The following KIAA1586 variants were observed in gnomAD, a reference collection of about 807,000 sequenced individuals.
KIAA1586 encodes KIAA1586.
Under a neutral mutation model 6.1 loss-of-function variants are expected in KIAA1586, and 5 were observed. The observed-to-expected ratio is 0.82, with a 90% CI of 0.43 to 1.73. KIAA1586 has a LOEUF of 1.73. Among genes scored for constraint, KIAA1586 ranks in the 40% most tolerant of loss-of-function variants. KIAA1586 has a pLI of 0.02. For synonymous variants in KIAA1586, 280 were observed against 301.7 expected, an observed-to-expected ratio of 0.93 and a Z score of 0.75; for missense variants, 899 against 878.2, an observed-to-expected ratio of 1.02 and a Z score of -0.30.
Position 57,050,837 on chromosome 6 carries a change from A to G in KIAA1586, c.169A>G (p.Ser57Gly). The change falls in exon 3 of 4, where the codon AGC (serine) becomes GGC (glycine). Residue 57 changes from serine (S) to glycine (G), a missense_variant. Coordinates refer to ENST00000370733, the MANE Select transcript of KIAA1586 (RefSeq NM_020931.4). Reference protein sequence around the residue: ...DLVCGDDENPSAYYSDILFPK... With the variant: ...DLVCGDDENPGAYYSDILFPK... ...GGTCTGTGGTGATGATGAAAACCCT[A>G]GCGCCTATTATAGTGATGTAAGCAC... 1 of 1,611,310 alleles carries G rather than the reference A, an allele frequency of 6.2e-7. No homozygotes were observed. Among genetic ancestry groups the G allele is most frequent in the Non-Finnish European group, 8.5e-7 (1 of 1,177,620 alleles).
intron 2 of KIAA1586, 97 bp from the exon 3 acceptor site, chr6:57,050,677 C>T (rs559969762): frequency 3.1e-5 from 26 of 825,694 alleles, no homozygotes; most frequent in South Asian, 2.6e-4. Context: ...GAGAATCTTT[C>T]CCAATTCCAA....
Position 57,048,394 on chromosome 6 carries a change from T to G in KIAA1586, c.105+998T>G, listed in dbSNP as rs951804859. 2.6e-5 allele frequency among the ~76,000 whole-genome samples: 4 copies of G among 152,226 alleles called. No individual in the cohort carries two copies. In the South Asian group the frequency reaches 8.3e-4, roughly 31 times the overall value. Reference sequence around the variant, plus strand: ...AAAATTTCCTCCCTAAACATTGTTTTGTTAACATCGTTGTTTGTTTTTCGT... The same window carrying G: ...AAAATTTCCTCCCTAAACATTGTTTGGTTAACATCGTTGTTTGTTTTTCGT... On this transcript the variant is annotated intron_variant, in intron 2 of 3. Transcript: ENST00000370733.
the KIAA1586 span, among the ~76,000 whole-genome samples, chr6:57,062,804 A>C: frequency 6.6e-6 from 1 of 152,204 alleles, no homozygotes; most frequent in African/African-American, 2.4e-5. Context: ...TAATCTTAGC[A>C]CTTTGGGAGG....
In KIAA1586 at chr6:57,054,200, A is replaced by G. The variant is rs372115565; in HGVS notation, c.1701A>G (p.Leu567=). The G allele has an allele frequency of 6.9e-6, 11 of 1,592,008 alleles. 1 individual carries two copies. The African/African-American group carries it at 1.5e-4, about 22-fold the overall frequency. Residue 567 remains leucine (L), a synonymous_variant, in exon 4 of 4, where the codon TTA becomes TTG. Coordinates refer to ENST00000370733, the MANE Select transcript of KIAA1586 (RefSeq NM_020931.4). The stretch of plus-strand genomic sequence containing the variant: ...GTACCATAAGAGCTTTGGAAAATTT[A>G]AAAATTGGTACTGGAAAGTATGAAT... The part of the protein sequence containing the change: ...IKRTIRALEN[L]KIGTGKYESQ...
chr6:57,052,566 T>C, intron 3 of KIAA1586, 120 bp from the exon 4 acceptor site: 3 of 697,308 alleles, frequency 4.3e-6, no homozygotes, highest in Non-Finnish European at 4.3e-6. Context: ...AAACTGAAAA[T>C]CAGGTTAAAT....
the KIAA1586 span, among the ~76,000 whole-genome samples, chr6:57,061,515 C>T: frequency 6.6e-6 from 1 of 152,126 alleles, no homozygotes; most frequent in African/African-American, 2.4e-5. Flanking sequence ...GCCTCAGTCT[C>T]CCAAGTAGCT....
chr6:57,065,325 T>C, the KIAA1586 span, among the ~76,000 whole-genome samples: 2 of 152,120 alleles, frequency 1.3e-5, no homozygotes, highest in East Asian at 1.9e-4. Context: ...TACCTACCAA[T>C]GTGCTCATAC....
Position 57,046,693 on chromosome 6 carries a change from G to C in KIAA1586, c.-63G>C, listed in dbSNP as rs540024855. 872 of 1,602,806 alleles carry C rather than the reference G, an allele frequency of 5.4e-4. 3 individuals are homozygous for C. In the African/African-American group the frequency reaches 9.5e-3, roughly 17 times the overall value. On this transcript the variant is annotated 5_prime_UTR_variant, in exon 1 of 4. Transcript: ENST00000370733. ...GGCGGTGCAGGGCGGGAAGGGGAGT[G>C]GTGGCGGCTGCGGCAGTAGGGACAG...
chr6:57,065,153 C>CT, the KIAA1586 span, among the ~76,000 whole-genome samples: 1 of 152,006 alleles, frequency 6.6e-6, no homozygotes. Flanking sequence ...TTTGCATTTT[C>CT]TTAATTTTAA....
chr6:57,063,839 A>G, the KIAA1586 span, among the ~76,000 whole-genome samples: 1 of 152,228 alleles, frequency 6.6e-6, no homozygotes, highest in Non-Finnish European at 1.5e-5. Context: ...AAAACAACTT[A>G]CAAATATTTC....
In KIAA1586 at chr6:57,052,808, A is replaced by G. The variant is rs534677385; in HGVS notation, c.309A>G (p.Ala103=). ...VSKNHCRLSK[A]KEPHFEYIEQ... The stretch of plus-strand genomic sequence containing the variant: ...AAAATCACTGCAGATTGTCTAAGGC[A>G]AAGGAACCACATTTCGAGTATATTG... The change falls in exon 4 of 4, where the codon GCA becomes GCG. Residue 103 remains alanine, a synonymous_variant. Transcript: ENST00000370733. The G allele has an allele frequency of 6.2e-7, 1 of 1,613,754 alleles. No individual in the cohort carries two copies. Among genetic ancestry groups the G allele is most frequent in the East Asian group, 2.2e-5 (1 of 44,858 alleles).
At chr6:57,057,219 C>T (rs1271455376), downstream of KIAA1586, among the ~76,000 whole-genome samples, 3 of 149,978 alleles carry the variant, frequency 2.0e-5, no homozygotes, top group Non-Finnish European at 4.4e-5. Context: ...CAGAGCGAGA[C>T]TTTGTCTCAG....
At chr6:57,065,242 C>T in the KIAA1586 span, among the ~76,000 whole-genome samples, 1 of 151,760 alleles carries the variant, frequency 6.6e-6, no homozygotes, top group African/African-American at 2.4e-5. Flanking sequence ...TTTTAATCTT[C>T]TATATTTTGT....
At chr6:57,060,229 G>A (rs975713620), downstream of KIAA1586, among the ~76,000 whole-genome samples, 1 of 152,096 alleles carries the variant, frequency 6.6e-6, no homozygotes, top group Non-Finnish European at 1.5e-5. Flanking sequence ...GGTGGTTTTG[G>A]TCTTTCCCTC....
downstream of KIAA1586, among the ~76,000 whole-genome samples, chr6:57,058,382 C>T (rs920622401): frequency 1.3e-5 from 2 of 152,126 alleles, no homozygotes; most frequent in Non-Finnish European, 2.9e-5. Flanking sequence ...TACAAATCAA[C>T]ACCAGCTTAT....
In KIAA1586 at chr6:57,052,778, G is replaced by C. The variant is rs373034964; in HGVS notation, c.279G>C (p.Val93=). The change falls in exon 4 of 4, where the codon GTG becomes GTC. Residue 93 remains valine (V), a synonymous_variant. Transcript: ENST00000370733. ...KVKTDTENNE[V]SKNHCRLSKA... is the part of the protein sequence containing the mutation. ...AAACAGACACAGAAAATAATGAAGT[G>C]AGCAAAAATCACTGCAGATTGTCTA... The C allele has an allele frequency of 1.2e-6, 2 of 1,612,328 alleles. No individual in the cohort carries two copies. Among genetic ancestry groups the C allele is most frequent in the Admixed American group, 3.3e-5 (2 of 59,842 alleles).
downstream of KIAA1586, among the ~76,000 whole-genome samples, chr6:57,059,883 CCTTTT>C (rs370088985): frequency 9.2e-5 from 14 of 152,250 alleles, 1 homozygote; most frequent in African/African-American, 3.4e-4. Flanking sequence ...ATATTTGAAA[CCTTTT>C]CTTCATCCAC....
downstream of KIAA1586, among the ~76,000 whole-genome samples, chr6:57,056,431 A>G (rs1593052893): frequency 7.3e-6 from 1 of 136,080 alleles, no homozygotes; most frequent in African/African-American, 2.8e-5. Flanking sequence ...CTGGTCTCAA[A>G]CTCCTGACCT....
At position 57,053,497 on chromosome 6, in the gene KIAA1586, A is replaced by C. The variant is rs1828399872; in HGVS notation, c.998A>C (p.Tyr333Ser). The C allele has an allele frequency of 6.2e-7, 1 of 1,613,466 alleles. No homozygotes were observed. The highest frequency in any genetic ancestry group is 1.3e-5 in the African/African-American group (1 of 74,924). The change falls in exon 4 of 4, where the codon TAT becomes TCT. Residue 333 changes from tyrosine (Y) to serine (S), a missense_variant. Coordinates refer to ENST00000370733, the MANE Select transcript of KIAA1586 (RefSeq NM_020931.4). ...TCAAAGAAAACCACCCTAGTGATTT[A>C]TCTCCAGTGCACAATTCAGTCAGCT... ...TVSKKTTLVIYLQCTIQSAPA... is the reference protein window; with the variant it reads ...TVSKKTTLVISLQCTIQSAPA...
Sources: allele counts gnomAD v4.1 joint callset (sites outside exome capture counted in the v4.1 genomes callset), GRCh38; gene constraint gnomAD v4.1.1; transcripts MANE v1.5; gene names NCBI Gene and HGNC (gene_info 2026-07-23, HGNC 2026-07-21).